Variants in CLVS1 observed in about 807,000 individuals in gnomAD.
CLVS1 encodes the protein clavesin 1, also known as clavesin-1.
A neutral mutation model predicts 33.1 loss-of-function variants in CLVS1; 10 were observed. The ratio of observed to expected loss-of-function variants is 0.30; its 90% CI spans 0.19 to 0.51. CLVS1 has a LOEUF of 0.51. CLVS1 is among the 20% of genes least tolerant of loss of function. The probability of loss-of-function intolerance (pLI) is 0.97; values close to 1 mark genes in which losing one functional copy is unlikely to be tolerated. For missense variants in CLVS1, 343 were observed against 433.4 expected, an observed-to-expected ratio of 0.79 and a Z score of 1.85; for synonymous variants, 163 against 166.1, an observed-to-expected ratio of 0.98 and a Z score of 0.14.
At chr8:61,382,203 T>C (rs1813907426) in intron 3 of CLVS1, among the ~76,000 whole-genome samples, 1 of 152,210 alleles carries the variant, frequency 6.6e-6, no homozygotes, top group African/African-American at 2.4e-5. Context: ...TGATTGATCA[T>C]ATTGTGATTA....
Position 61,410,282 on chromosome 8 carries a change from C to T in CLVS1, c.630+33503C>T, listed in dbSNP as rs560879260. On this transcript the variant is annotated intron_variant, in intron 3 of 5. Coordinates refer to ENST00000325897, the MANE Select transcript of CLVS1 (RefSeq NM_173519.3). ...TTTCCTAGGAGACTGCCTAGTCGTT[C>T]CAACACAATTTATGGAAACGTTTAT... is the stretch of plus-strand genomic sequence containing the variant. Among the ~76,000 whole-genome samples the T allele has an allele frequency of 1.4e-3, 215 of 152,138 alleles. 4 individuals are homozygous for T. The highest frequency in any genetic ancestry group is 1.5e-5 in the Non-Finnish European group (1 of 68,006).
the CLVS1 span, among the ~76,000 whole-genome samples, chr8:61,006,885 AT>A: frequency 1.3e-5 from 2 of 152,218 alleles, no homozygotes; most frequent in Non-Finnish European, 2.9e-5. Flanking sequence ...ACTGTAAAGG[AT>A]TCAAAATATG....
chr8:61,245,307 C>T (rs192260003), intron 2 of CLVS1, among the ~76,000 whole-genome samples: 2 of 152,072 alleles, frequency 1.3e-5, no homozygotes, highest in East Asian at 1.9e-4. Flanking sequence ...CTCAGCCTCC[C>T]GAGTAGCTGG....
At chr8:61,304,242 A>T (rs1810535146) in intron 2 of CLVS1, among the ~76,000 whole-genome samples, 1 of 152,232 alleles carries the variant, frequency 6.6e-6, no homozygotes, top group Admixed American at 6.5e-5. Context: ...ATCTGGACCC[A>T]GACACATGGA....
intron 1 of CLVS1, among the ~76,000 whole-genome samples, chr8:61,296,732 T>C (rs1157807432): frequency 6.6e-6 from 1 of 152,210 alleles, no homozygotes; most frequent in Non-Finnish European, 1.5e-5. Flanking sequence ...ACTTTCTTTA[T>C]TCATGTATTC....
chr8:60,989,021 T>C, the CLVS1 span, among the ~76,000 whole-genome samples: 1 of 152,094 alleles, frequency 6.6e-6, no homozygotes, highest in Non-Finnish European at 1.5e-5. Flanking sequence ...TGGGCCACCA[T>C]GCCAGCTAAT....
the CLVS1 span, among the ~76,000 whole-genome samples, chr8:61,024,497 G>C: frequency 6.6e-6 from 1 of 152,078 alleles, no homozygotes; most frequent in Non-Finnish European, 1.5e-5. Flanking sequence ...ATCATAATCC[G>C]AGCATCCCAA....
chr8:61,389,708 C>T lies in CLVS1; in HGVS notation c.630+12929C>T, dbSNP rs28754430. ...TAGAATCAGATATGACATGCACAGC[C>T]ATGATCTTGAGCTATCTGGAAGAGT... On this transcript the variant is annotated intron_variant, in intron 3 of 5. Transcript: ENST00000325897. 8.2e-3 allele frequency among the ~76,000 whole-genome samples: 1,251 copies of T among 152,266 alleles called. 29 individuals carry two copies. The highest frequency in any genetic ancestry group is 0.028 in the African/African-American group (1,161 of 41,544).
At chr8:61,047,024 A>C in the CLVS1 span, among the ~76,000 whole-genome samples, 2 of 152,102 alleles carry the variant, frequency 1.3e-5, no homozygotes, top group Non-Finnish European at 2.9e-5. Flanking sequence ...TTCCAACACT[A>C]TGTTGAATAG....
intron 1 of CLVS1, among the ~76,000 whole-genome samples, chr8:61,059,945 C>T (rs1341157995): frequency 6.6e-6 from 1 of 152,100 alleles, no homozygotes; most frequent in African/African-American, 2.4e-5. Flanking sequence ...GCCTTCAGTC[C>T]TTGAAATAGT....
chr8:61,035,188 T>TTTTC, the CLVS1 span, among the ~76,000 whole-genome samples: 37 of 17,416 alleles, frequency 2.1e-3, no homozygotes, highest in Non-Finnish European at 4.8e-3. Flanking sequence ...TTCTTTTTTC[T>TTTTC]TTTTTTTTTT....
intron 2 of CLVS1, among the ~76,000 whole-genome samples, chr8:61,227,762 G>C (rs1273580097): frequency 1.3e-5 from 2 of 152,204 alleles, no homozygotes; most frequent in East Asian, 1.9e-4. Context: ...ATACCCAAAA[G>C]TTAAGTTTTT....
At chr8:61,258,685 T>A (rs1012724115) in intron 2 of CLVS1, among the ~76,000 whole-genome samples, 6 of 152,204 alleles carry the variant, frequency 3.9e-5, no homozygotes, top group Non-Finnish European at 5.9e-5. Context: ...ACGGAGAACA[T>A]CCTTTGTGAG....
chr8:61,376,014 C>A (rs757380253), intron 2 of CLVS1, among the ~76,000 whole-genome samples: 4 of 152,190 alleles, frequency 2.6e-5, no homozygotes, highest in Non-Finnish European at 5.9e-5. Context: ...ACTCTGTAGA[C>A]CTTCACTGAA....
intron 3 of CLVS1, among the ~76,000 whole-genome samples, chr8:61,388,407 T>C (rs1814170036): frequency 2.0e-5 from 3 of 151,446 alleles, no homozygotes; most frequent in African/African-American, 4.8e-5. Flanking sequence ...GTAATATTTT[T>C]ATAAAAGATC....
chr8:61,290,717 CT>C (rs1418844201), intron 1 of CLVS1, among the ~76,000 whole-genome samples: 4 of 152,200 alleles, frequency 2.6e-5, no homozygotes, highest in African/African-American at 7.2e-5. Context: ...TCTACTCTTC[CT>C]GTTACACAGT....
Position 61,499,548 on chromosome 8 carries a change from G to A in CLVS1, c.*6G>A, listed in dbSNP as rs915151991. ...CACTCCTGGCTCTGGACTGAACCCTGAGTCACCCCAATGCTCCTGCACACT... is the reference window on the plus strand; with the variant it reads ...CACTCCTGGCTCTGGACTGAACCCTAAGTCACCCCAATGCTCCTGCACACT... On this transcript the variant is annotated 3_prime_UTR_variant, in exon 6 of 6. Coordinates refer to ENST00000325897, the MANE Select transcript of CLVS1 (RefSeq NM_173519.3). The A allele has an allele frequency of 1.2e-6, 2 of 1,610,944 alleles. No homozygotes were observed. The highest frequency in any genetic ancestry group is 2.7e-5 in the African/African-American group (2 of 74,834).
intron 2 of CLVS1, among the ~76,000 whole-genome samples, chr8:61,180,084 G>C (rs1052059973): frequency 6.6e-6 from 1 of 151,906 alleles, no homozygotes; most frequent in Non-Finnish European, 1.5e-5. Flanking sequence ...AAAATAGATA[G>C]ACCACTAGGT....
chr8:61,388,369 T>C (rs750245776), intron 3 of CLVS1, among the ~76,000 whole-genome samples: 4 of 150,728 alleles, frequency 2.7e-5, no homozygotes, highest in African/African-American at 7.3e-5. Flanking sequence ...GTGGTCAGTA[T>C]GACAACACCT....
Sources: gnomAD v4.1 joint callset for allele counts (sites outside exome capture counted in the v4.1 genomes callset) on GRCh38, gnomAD v4.1.1 for gene constraint, MANE v1.5 for transcripts, NCBI Gene and HGNC (gene_info 2026-07-23, HGNC 2026-07-21) for gene names.